NPR1: variants seen among roughly 807,000 people sequenced by gnomAD.
NPR1 encodes atrial natriuretic peptide receptor 1.
NPR1 carries 57 observed loss-of-function variants against 116.9 expected under a neutral mutation model. That is an observed-to-expected ratio of 0.49 (90% CI 0.39 to 0.61). The LOEUF is 0.61. Ranked by LOEUF, NPR1 falls within the 20% of genes least tolerant of loss-of-function variation. The pLI is 0.00. For missense variants in NPR1, 1,096 were observed against 1,409.8 expected (o/e 0.78, Z 3.56); for synonymous variants, 555 against 601.6 (o/e 0.92, Z 1.13).
In NPR1 at chr1:153,684,019, G is replaced by A. The variant is rs76081338; in HGVS notation, c.1484+195G>A. On this transcript the variant is annotated intron_variant, in intron 7 of 21. Coordinates refer to ENST00000368680, the MANE Select transcript of NPR1 (RefSeq NM_000906.4). Reference sequence around the variant, plus strand: ...AGGGAATGGCAGGGCGAGGGGAGGAGACAAGGATAGGAATGGCCAAGGAGA... The same window carrying A: ...AGGGAATGGCAGGGCGAGGGGAGGAAACAAGGATAGGAATGGCCAAGGAGA... Among the ~76,000 whole-genome samples, 1,191 of 152,274 alleles carry A rather than the reference G, an allele frequency of 7.8e-3. 11 individuals are homozygous for A. The highest frequency in any genetic ancestry group is 0.017 in the Middle Eastern group (5 of 294).
intron 3 of NPR1, 34 bp downstream of exon 3, chr1:153,681,327 C>A: frequency 8.3e-7 from 1 of 1,206,502 alleles, no homozygotes; most frequent in Non-Finnish European, 1.2e-6. Flanking sequence ...CCAGCGTGGA[C>A]CTCCAGCCCC....
At position 153,689,220 on chromosome 1, in the gene NPR1, C is replaced by T. The variant is rs763348797; in HGVS notation, c.2597C>T (p.Thr866Met). The T allele has an allele frequency of 1.5e-5, 25 of 1,614,062 alleles. No homozygotes were observed. The highest frequency in any genetic ancestry group is 4.4e-5 in the South Asian group (4 of 91,094). ...GCTGAGCAGCTGAAGCGTGGGGAGA[C>T]GGTGCAGGCCGAAGCCTTTGACAGT... ...SVAEQLKRGE[T>M]VQAEAFDSVT... Residue 866 changes from threonine (T) to methionine (M), a missense_variant, in exon 17 of 22, where the codon ACG (threonine) becomes ATG (methionine). Thr to Met is a moderately conservative substitution (Grantham distance 81). Coordinates refer to ENST00000368680, the MANE Select transcript of NPR1 (RefSeq NM_000906.4). This position sits in a 1 kb window ranked among gnomAD's most constrained non-coding sequence, Gnocchi z 5.1.
In NPR1 at chr1:153,689,170, C is replaced by T. The variant is rs1670018578; in HGVS notation, c.2565-18C>T. 1 of 1,614,200 alleles carries T rather than the reference C, an allele frequency of 6.2e-7. No homozygotes were observed. The highest frequency in any genetic ancestry group is 8.5e-7 in the Non-Finnish European group (1 of 1,180,036). ...CCCGACCCCCAACTCTGATCCTGCA[C>T]CTGCCCTGACCCCTTAGCTCAGTGG... On this transcript the variant is annotated intron_variant, in intron 16 of 21. Transcript: ENST00000368680. The surrounding 1 kb of genome is among the most constrained non-coding windows in gnomAD (Gnocchi z 5.1).
At chr1:153,682,375 A>G (rs1335052417) in intron 4 of NPR1, 123 bp from the exon 5 acceptor site, 1 of 711,878 alleles carries the variant, frequency 1.4e-6, no homozygotes. Context: ...ACCATTTACT[A>G]TCATTCTGTA....
intron 3 of NPR1, chr1:153,681,494 G>T: frequency 1.6e-6 from 1 of 644,582 alleles, no homozygotes. Context: ...ATATGGAGAC[G>T]ATACATCCTG....
At chr1:153,685,924 A>T in intron 9 of NPR1, 44 bp downstream of exon 9, 1 of 1,566,402 alleles carries the variant, frequency 6.4e-7, no homozygotes, top group East Asian at 2.2e-5. Flanking sequence ...CTGGGGCAGG[A>T]GTGTACTCTG....
At position 153,683,460 on chromosome 1, in the gene NPR1, C is replaced by G; in HGVS notation, c.1348C>G (p.Pro450Ala). The change falls in exon 6 of 22, where the codon CCT becomes GCT. Residue 450 changes from proline (P) to alanine (A), a missense_variant. Transcript: ENST00000368680. ...KLNWPLGYPP[P>A]DIPKCGFDNE... ...GAACTGGCCCCTGGGGTACCCTCCT[C>G]CTGACATCCCCAAATGTGGCTTTGA... 1 of 1,614,162 alleles carries G rather than the reference C, an allele frequency of 6.2e-7. No individual in the cohort carries two copies. Among genetic ancestry groups the G allele is most frequent in the Non-Finnish European group, 8.5e-7 (1 of 1,180,020 alleles).
In NPR1 at chr1:153,689,411, G is replaced by A; in HGVS notation, c.2689-42G>A. 1 of 1,612,736 alleles carries A rather than the reference G, an allele frequency of 6.2e-7. No individual in the cohort carries two copies. The highest frequency in any genetic ancestry group is 8.5e-7 in the Non-Finnish European group (1 of 1,178,762). ...CTTTACCCACCTGACCCCAGGTGGGGTCCCCTACTTCCTGTCTCTCTTAGC... is the reference window on the plus strand; with the variant it reads ...CTTTACCCACCTGACCCCAGGTGGGATCCCCTACTTCCTGTCTCTCTTAGC... On this transcript the variant is annotated intron_variant, in intron 17 of 21. Transcript: ENST00000368680. The surrounding 1 kb of genome is among the most constrained non-coding windows in gnomAD (Gnocchi z 5.1).
chr1:153,686,900 G>C, intron 11 of NPR1, 116 bp from the exon 12 acceptor site: 9 of 1,290,044 alleles, frequency 7.0e-6, no homozygotes, highest in Non-Finnish European at 1.0e-5. Flanking sequence ...AGTGGCACTA[G>C]AGTCAATCCA....
At chr1:153,690,875 A>C (rs1359296685) in intron 20 of NPR1, among the ~76,000 whole-genome samples, 5 of 146,760 alleles carry the variant, frequency 3.4e-5, no homozygotes, top group Non-Finnish European at 7.5e-5. Flanking sequence ...CCCGGGAGGC[A>C]GAGGTTGCGA....
At position 153,693,631 on chromosome 1, in the gene NPR1, G is replaced by A. The variant is rs907634744; in HGVS notation, c.*217G>A. ...AGCTTACAGGCTGAGCCAAGCCCAC[G>A]GCCATGCACAGGGACACTCACACAG... On this transcript the variant is annotated 3_prime_UTR_variant, in exon 22 of 22. Coordinates refer to ENST00000368680, the MANE Select transcript of NPR1 (RefSeq NM_000906.4). 2.4e-5 allele frequency: 12 copies of A among 491,832 alleles called. No homozygotes were observed. The highest frequency in any genetic ancestry group is 1.9e-4 in the South Asian group (5 of 26,024). The allele number at this position is 491,832 out of a possible 1,614,324, so 30.5% of individuals were successfully genotyped here.
At position 153,689,274 on chromosome 1, in the gene NPR1, G is replaced by A. The variant is rs750413616; in HGVS notation, c.2651G>A (p.Gly884Asp). Residue 884 changes from glycine (G) to aspartate (D), a missense_variant, in exon 17 of 22, where the codon GGT becomes GAT. Coordinates refer to ENST00000368680, the MANE Select transcript of NPR1 (RefSeq NM_000906.4). The surrounding 1 kb of genome is among the most constrained non-coding windows in gnomAD (Gnocchi z 5.1). ...ACCATCTACTTCAGTGACATTGTGG[G>A]TTTCACAGCGCTGTCGGCGGAGAGC... The part of the protein sequence containing the change: ...SVTIYFSDIV[G>D]FTALSAESTP... The A allele has an allele frequency of 1.2e-6, 2 of 1,614,122 alleles. No homozygotes were observed. The highest frequency in any genetic ancestry group is 1.7e-6 in the Non-Finnish European group (2 of 1,180,060).
chr1:153,683,349 C>T, intron 5 of NPR1, 27 bp from the exon 6 acceptor site: 6 of 1,609,452 alleles, frequency 3.7e-6, no homozygotes, highest in Non-Finnish European at 4.2e-6. Flanking sequence ...AGGCCCTGGC[C>T]TAGCCACCAC....
intron 5 of NPR1, 114 bp downstream of exon 5, chr1:153,682,703 C>T (rs542377161): frequency 3.0e-4 from 229 of 775,976 alleles, no homozygotes; most frequent in Non-Finnish European, 4.8e-4. Context: ...TCCACCATGC[C>T]TGGACACTTA....
chr1:153,687,866 G>A, intron 14 of NPR1, 77 bp downstream of exon 14: 1 of 1,426,278 alleles, frequency 7.0e-7, no homozygotes, highest in Admixed American at 2.1e-5. Flanking sequence ...TCCCCTGGCA[G>A]CACCACCACA....
At position 153,689,988 on chromosome 1, in the gene NPR1, C is replaced by T; in HGVS notation, c.2932+8C>T. ...GCATTGGCATCCACACAGGTAAGGC[C>T]ACTGAAGGTGCAGGCGGGCATCCAG... On this transcript the variant is annotated splice_region_variant and intron_variant, in intron 19 of 21. Coordinates refer to ENST00000368680, the MANE Select transcript of NPR1 (RefSeq NM_000906.4). This position sits in a 1 kb window ranked among gnomAD's most constrained non-coding sequence, Gnocchi z 5.1. The T allele has an allele frequency of 2.7e-6, 4 of 1,503,440 alleles. No individual in the cohort carries two copies. Among genetic ancestry groups the T allele is most frequent in the Non-Finnish European group, 3.6e-6 (4 of 1,119,396 alleles). The allele number at this position is 1,503,440 out of a possible 1,614,324, so 93.1% of individuals were successfully genotyped here.
chr1:153,691,299 C>G (rs1670103352), intron 20 of NPR1, among the ~76,000 whole-genome samples: 1 of 152,214 alleles, frequency 6.6e-6, no homozygotes, highest in Non-Finnish European at 1.5e-5. Flanking sequence ...CTACCCGCCC[C>G]TTGCTCTTGC....
intron 2 of NPR1, chr1:153,680,912 T>A (rs1293945591): frequency 1.7e-6 from 1 of 605,812 alleles, no homozygotes; most frequent in African/African-American, 1.9e-5. Flanking sequence ...CAGGGGCGCT[T>A]CGCCACCAGC....
rs146196101 is a variant in NPR1, at chr1:153,687,618, G to A, written c.2093-16G>A. ...TGGGCTCCCTCACTCGGTGACTACC[G>A]ACCTCTGACCCACAGAAAAGCTGTG... On this transcript the variant is annotated splice_polypyrimidine_tract_variant and intron_variant, in intron 13 of 21. Transcript: ENST00000368680. The A allele has an allele frequency of 3.4e-4, 531 of 1,563,184 alleles. 3 individuals are homozygous for A. The East Asian group carries it at 0.011, about 33-fold the overall frequency.
Sources: allele counts gnomAD v4.1 joint callset (sites outside exome capture counted in the v4.1 genomes callset), GRCh38; gene constraint gnomAD v4.1.1; non-coding constraint Gnocchi (gnomAD v3.1); transcripts MANE v1.5; gene names NCBI Gene and HGNC (gene_info 2026-07-23, HGNC 2026-07-21).